The following MAST4 variants were observed in gnomAD, a reference collection of about 807,000 sequenced individuals.
The protein encoded by MAST4 is microtubule associated serine/threonine kinase family member 4, also known as microtubule-associated serine/threonine-protein kinase 4.
Under a neutral mutation model 162.7 loss-of-function variants are expected in MAST4, and 89 were observed. The observed-to-expected ratio is 0.55, with a 90% confidence interval of 0.46 to 0.65. The LOEUF is 0.65. Ranked by LOEUF, MAST4 falls within the 30% of genes least tolerant of loss-of-function variation. The pLI, the probability that MAST4 is intolerant of heterozygous loss-of-function variation, is 0.00. For synonymous variants in MAST4, 1,479 were observed against 1,361.1 expected (o/e 1.09, Z -1.91); for missense variants, 3,153 against 3,374.0 (o/e 0.93, Z 1.62).
chr5:67,058,376 T>C lies in MAST4; in HGVS notation c.763+3884T>C, dbSNP rs537944548. Among the ~76,000 whole-genome samples the C allele has an allele frequency of 6.6e-5, 10 of 152,348 alleles. No individual in the cohort carries two copies. The East Asian group carries it at 1.7e-3, about 26-fold the overall frequency. On this transcript the variant is annotated intron_variant, in intron 5 of 28. Transcript: ENST00000403625. The stretch of plus-strand genomic sequence containing the variant: ...GTTAGTGGTTTTCAGTATTGGTGAA[T>C]ATTTCAAATGTGTTTACCCTTTTGC...
At chr5:66,646,496 G>A (rs868808258) in intron 1 of MAST4, among the ~76,000 whole-genome samples, 54 of 151,996 alleles carry the variant, frequency 3.6e-4, no homozygotes, top group African/African-American at 9.7e-4. Flanking sequence ...TTGTCATTTC[G>A]GTTTATGTAG....
chr5:66,618,438 TTGG>T (rs976178621), intron 1 of MAST4, among the ~76,000 whole-genome samples: 11 of 152,226 alleles, frequency 7.2e-5, no homozygotes, highest in African/African-American at 2.7e-4. Flanking sequence ...TTTTGGACAC[TTGG>T]TTCTACTTGC....
chr5:66,779,608 G>A (rs1754760051), intron 2 of MAST4, among the ~76,000 whole-genome samples: 1 of 152,130 alleles, frequency 6.6e-6, no homozygotes, highest in African/African-American at 2.4e-5. Flanking sequence ...ACCCATGTGA[G>A]TGGAAGATGA....
chr5:66,699,382 G>A (rs2149508413), intron 1 of MAST4, among the ~76,000 whole-genome samples: 1 of 152,234 alleles, frequency 6.6e-6, no homozygotes, highest in South Asian at 2.1e-4. Context: ...TTTCTCCAGA[G>A]AACTGCAGGC....
intron 4 of MAST4, among the ~76,000 whole-genome samples, chr5:67,047,857 A>T (rs1757566225): frequency 6.6e-6 from 1 of 152,194 alleles, no homozygotes; most frequent in Non-Finnish European, 1.5e-5. Context: ...CTGCCTTCTA[A>T]GGAGGAATAG....
chr5:66,849,451 C>T (rs936976766), intron 3 of MAST4, among the ~76,000 whole-genome samples: 8 of 152,186 alleles, frequency 5.3e-5, no homozygotes, highest in Non-Finnish European at 1.2e-4. Flanking sequence ...TTACCCTACT[C>T]CTCTTCTGCT....
chr5:66,739,284 C>A (rs1200427046), intron 1 of MAST4, among the ~76,000 whole-genome samples: 1 of 152,136 alleles, frequency 6.6e-6, no homozygotes, highest in Non-Finnish European at 1.5e-5. Flanking sequence ...AGAGGACACC[C>A]AGTTGTTTAG....
chr5:66,786,776 T>C (rs1755136904), intron 2 of MAST4, among the ~76,000 whole-genome samples: 1 of 152,192 alleles, frequency 6.6e-6, no homozygotes, highest in African/African-American at 2.4e-5. Flanking sequence ...CAACATACCT[T>C]GCCCAAAAAT....
chr5:67,142,460 A>G lies in MAST4; in HGVS notation c.2657A>G (p.Glu886Gly). ...EKYHHMETEE[E>G]DDTNDEDFNV... is the part of the protein sequence containing the mutation. ...TATCATCATATGGAAACGGAGGAAG[A>G]AGATGACACAAATGATGAAGACTTT... The change falls in exon 21 of 29, where the codon GAA becomes GGA. Residue 886 changes from glutamate (E) to glycine (G), a missense_variant. By Grantham distance (98) the Glu-to-Gly change is moderately conservative. This residue lies in a region of MAST4 where 619 missense variants were observed against 744.2 expected (regional missense o/e 0.83). Coordinates refer to ENST00000403625, the MANE Select transcript of MAST4 (RefSeq NM_001164664.2). 6.2e-7 allele frequency: 1 copy of G among 1,601,304 alleles called. No individual in the cohort carries two copies. Among genetic ancestry groups the G allele is most frequent in the Non-Finnish European group, 8.5e-7 (1 of 1,173,462 alleles).
chr5:66,612,815 A>G (rs41438949), intron 1 of MAST4, among the ~76,000 whole-genome samples: 16,062 of 152,190 alleles, frequency 0.11, 1,292 homozygotes, highest in African/African-American at 0.22. Flanking sequence ...GGCCTATCAG[A>G]TATCTTTGCT....
Position 67,166,242 on chromosome 5 carries a change from G to A in MAST4, c.7063G>A (p.Asp2355Asn). 6.4e-7 allele frequency: 1 copy of A among 1,552,536 alleles called. No homozygotes were observed. The highest frequency in any genetic ancestry group is 8.7e-7 in the Non-Finnish European group (1 of 1,147,468). ...LCKQTDNRQT[D>N]KSPSQPAANT... is the part of the protein sequence containing the mutation. The stretch of plus-strand genomic sequence containing the variant: ...CAAACAGACAGACAACAGACAGACA[G>A]ACAAAAGCCCGAGTCAGCCGGCCGC... Residue 2355 changes from aspartate to asparagine, a missense_variant, in exon 29 of 29, where the codon GAC (aspartate) becomes AAC (asparagine). By Grantham distance (23) the Asp-to-Asn change is conservative (BLOSUM62 1). Coordinates refer to ENST00000403625, the MANE Select transcript of MAST4 (RefSeq NM_001164664.2).
At chr5:66,694,854 T>C (rs1282861595) in intron 1 of MAST4, among the ~76,000 whole-genome samples, 1 of 152,204 alleles carries the variant, frequency 6.6e-6, no homozygotes. Flanking sequence ...GTCCATGTCC[T>C]TTGCCCATGT....
rs747572961 is a variant in MAST4, at chr5:67,165,711, G to C, written c.6532G>C (p.Asp2178His). Residue 2178 changes from aspartate (D) to histidine (H), a missense_variant, in exon 29 of 29, where the codon GAC (aspartate) becomes CAC (histidine). This residue lies in a region of MAST4 where 1,644 missense variants were observed against 1,495.0 expected (regional missense o/e 1.10). Coordinates refer to ENST00000403625, the MANE Select transcript of MAST4 (RefSeq NM_001164664.2). ...TGCAGAGCCCAGCTCGAGCCCCCAG[G>C]ACCCTCCCAAGCCTGTTGCTGCGCA... ...STAEPSSSPQ[D>H]PPKPVAAHSE... is the part of the protein sequence containing the mutation. 1 of 1,577,094 alleles carries C rather than the reference G, an allele frequency of 6.3e-7. No individual in the cohort carries two copies.
chr5:67,110,886 T>A (rs1271886134), intron 11 of MAST4, among the ~76,000 whole-genome samples: 1 of 152,144 alleles, frequency 6.6e-6, no homozygotes, highest in African/African-American at 2.4e-5. Flanking sequence ...TAGCCAGGTG[T>A]GGTGGTGCAC....
At chr5:67,160,406 C>T in intron 26 of MAST4, 50 bp from the exon 27 acceptor site, 2 of 1,561,896 alleles carry the variant, frequency 1.3e-6, no homozygotes, top group Non-Finnish European at 1.7e-6. Context: ...CTGTTCTGAT[C>T]TTGCTTCATC....
intron 19 of MAST4, among the ~76,000 whole-genome samples, 182 bp downstream of exon 19, chr5:67,136,846 G>A (rs1300711683): frequency 3.3e-5 from 5 of 152,142 alleles, no homozygotes; most frequent in Non-Finnish European, 7.3e-5. Context: ...TCAAAACAGT[G>A]TGTACGCTAA....
chr5:66,655,265 T>C (rs530831310), intron 1 of MAST4, among the ~76,000 whole-genome samples: 1 of 152,160 alleles, frequency 6.6e-6, no homozygotes, highest in African/African-American at 2.4e-5. Flanking sequence ...TTGGGGTTCA[T>C]GGGATTTTCA....
intron 4 of MAST4, among the ~76,000 whole-genome samples, chr5:66,908,091 A>G (rs1763506990): frequency 1.3e-5 from 2 of 152,234 alleles, no homozygotes; most frequent in Non-Finnish European, 2.9e-5. Flanking sequence ...ATGTTTACAT[A>G]AAAAGAGAAT....
chr5:66,961,226 A>G (rs1745968726), intron 4 of MAST4, among the ~76,000 whole-genome samples: 1 of 152,248 alleles, frequency 6.6e-6, no homozygotes, highest in African/African-American at 2.4e-5. Flanking sequence ...GGAATGTTAT[A>G]ATGGAAAGTC....
Sources: gnomAD v4.1 joint callset for allele counts (sites outside exome capture counted in the v4.1 genomes callset) on GRCh38, gnomAD v4.1.1 for gene constraint, gnomAD v4.1.1 regional missense constraint, MANE v1.5 for transcripts, NCBI Gene and HGNC (gene_info 2026-07-23, HGNC 2026-07-21) for gene names.